The following NCOA2 variants were observed in gnomAD, a reference collection of about 807,000 sequenced individuals.
The protein encoded by NCOA2 is class E basic helix-loop-helix protein 75.
A neutral mutation model predicts 145.1 loss-of-function variants in NCOA2; 21 were observed. The ratio of observed to expected loss-of-function variants is 0.14; its 90% CI spans 0.10 to 0.21. The LOEUF is 0.21. Among genes scored for constraint, NCOA2 ranks in the 10% least tolerant of loss-of-function variants. NCOA2 has a pLI of 1.00. For synonymous variants in NCOA2, 619 were observed against 637.5 expected (o/e 0.97, Z 0.44); for missense variants, 1,472 against 1,837.6 (o/e 0.80, Z 3.64).
rs965423385 is a variant in NCOA2 at position 70,156,491 on chromosome 8, C to T, written c.1874G>A (p.Arg625Lys). The change falls in exon 11 of 23, where the codon AGA (arginine) becomes AAA (lysine). Residue 625 changes from arginine (R) to lysine (K), a missense_variant. By Grantham distance (26) the Arg-to-Lys change is conservative. Coordinates refer to ENST00000452400, the MANE Select transcript of NCOA2 (RefSeq NM_006540.4). ...PNLPPAVSSERADGQSRLHDS... is the reference protein window; with the variant it reads ...PNLPPAVSSEKADGQSRLHDS... Reference sequence around the variant, plus strand: ...ATGCAGTCTGCTCTGCCCGTCAGCTCTCTCACTGCTCACGGCCGGGGGCAG... The same window carrying T: ...ATGCAGTCTGCTCTGCCCGTCAGCTTTCTCACTGCTCACGGCCGGGGGCAG... 6.2e-7 allele frequency: 1 copy of T among 1,613,918 alleles called. No homozygotes were observed.
chr8:70,187,643 G>A (rs116093673), intron 4 of NCOA2, among the ~76,000 whole-genome samples: 133 of 152,224 alleles, frequency 8.7e-4, no homozygotes, highest in African/African-American at 3.1e-3. Flanking sequence ...ATAGGCCATA[G>A]AACATATCAC....
At chr8:70,309,949 T>C (rs1586448669) in intron 1 of NCOA2, among the ~76,000 whole-genome samples, 1 of 151,582 alleles carries the variant, frequency 6.6e-6, no homozygotes, top group Non-Finnish European at 1.5e-5. Flanking sequence ...CAAGACCCTG[T>C]CTCGAAAACA....
chr8:70,211,704 C>T (rs1395578479), intron 4 of NCOA2, among the ~76,000 whole-genome samples: 1 of 152,146 alleles, frequency 6.6e-6, no homozygotes, highest in Non-Finnish European at 1.5e-5. Context: ...CTGTCTGATT[C>T]AATTCTGCTC....
At chr8:70,254,430 C>T (rs1308567603) in intron 2 of NCOA2, among the ~76,000 whole-genome samples, 1 of 152,092 alleles carries the variant, frequency 6.6e-6, no homozygotes, top group Non-Finnish European at 1.5e-5. Flanking sequence ...TGTTCATAGC[C>T]GCATTATTCA....
chr8:70,165,812 G>T (rs1813550718), intron 7 of NCOA2, among the ~76,000 whole-genome samples: 1 of 152,102 alleles, frequency 6.6e-6, no homozygotes, highest in East Asian at 1.9e-4. Flanking sequence ...TGTTTTAACT[G>T]TGTGCATTTT....
chr8:70,183,810 C>A (rs1208858494), intron 4 of NCOA2, among the ~76,000 whole-genome samples: 1 of 152,186 alleles, frequency 6.6e-6, no homozygotes, highest in Non-Finnish European at 1.5e-5. Context: ...ATGTCTGTCC[C>A]TTTTCACTAC....
intron 20 of NCOA2, 116 bp from the exon 21 acceptor site, chr8:70,124,198 T>A: frequency 4.1e-6 from 4 of 976,506 alleles, no homozygotes; most frequent in Non-Finnish European, 6.0e-6. Flanking sequence ...CTGAACTGCA[T>A]GAACCCAGGC....
intron 2 of NCOA2, among the ~76,000 whole-genome samples, chr8:70,278,537 C>T (rs555315315): frequency 9.2e-5 from 14 of 152,166 alleles, no homozygotes; most frequent in East Asian, 5.8e-4. Flanking sequence ...TCCTAGAATC[C>T]GCTTATCTTC....
intron 14 of NCOA2, among the ~76,000 whole-genome samples, chr8:70,140,840 T>TC (rs1404896835): frequency 1.3e-5 from 2 of 151,922 alleles, no homozygotes; most frequent in Non-Finnish European, 2.9e-5. Flanking sequence ...CAAGTGATCC[T>TC]CCTGCCTCGG....
intron 2 of NCOA2, among the ~76,000 whole-genome samples, chr8:70,276,024 CTCTT>C (rs573605780): frequency 8.5e-5 from 13 of 152,088 alleles, no homozygotes; most frequent in Non-Finnish European, 1.8e-4. Context: ...AGAATTGTTC[CTCTT>C]TCTATGAATG....
Position 70,110,287 on chromosome 8 carries a change from T to C in NCOA2, c.*3345A>G. On this transcript the variant is annotated 3_prime_UTR_variant, in exon 23 of 23. Transcript: ENST00000452400. ...TTGTACACAATTCACTATACAAATA[T>C]AATACATCGGACAGCTATGTAGGAA... 5.1e-6 allele frequency: 1 copy of C among 197,702 alleles called. No homozygotes were observed. 12.2% of individuals were successfully genotyped at this position (197,702 alleles called of 1,614,324 possible).
chr8:70,189,492 C>A (rs550607132), intron 4 of NCOA2, among the ~76,000 whole-genome samples: 1 of 152,168 alleles, frequency 6.6e-6, no homozygotes, highest in Non-Finnish European at 1.5e-5. Flanking sequence ...CATGTAGACA[C>A]CATGTAGACC....
At chr8:70,369,687 T>C (rs552138260) in intron 1 of NCOA2, among the ~76,000 whole-genome samples, 88 of 152,154 alleles carry the variant, frequency 5.8e-4, no homozygotes, top group Non-Finnish European at 1.1e-3. Flanking sequence ...TGTATGTGTT[T>C]TGGGGGGCTG....
At chr8:70,414,231 T>C in the NCOA2 span, among the ~76,000 whole-genome samples, 1 of 152,304 alleles carries the variant, frequency 6.6e-6, no homozygotes, top group East Asian at 1.9e-4. Flanking sequence ...CTAACCACCG[T>C]CTAAGACTAA....
At chr8:70,256,413 A>G (rs942493186) in intron 2 of NCOA2, among the ~76,000 whole-genome samples, 6 of 152,224 alleles carry the variant, frequency 3.9e-5, no homozygotes, top group Non-Finnish European at 8.8e-5. Flanking sequence ...GCTGCATGGA[A>G]GATTTGGGAC....
intron 21 of NCOA2, among the ~76,000 whole-genome samples, chr8:70,123,495 T>G (rs1808055501): frequency 6.6e-6 from 1 of 152,128 alleles, no homozygotes; most frequent in Non-Finnish European, 1.5e-5. Context: ...CCAGCCTAGG[T>G]GACAGAGTGA....
At chr8:70,231,360 G>C (rs1192455716) in intron 2 of NCOA2, among the ~76,000 whole-genome samples, 1 of 152,230 alleles carries the variant, frequency 6.6e-6, no homozygotes, top group Non-Finnish European at 1.5e-5. Flanking sequence ...TGCCGAGTCA[G>C]GTATGCCATA....
At position 70,166,680 on chromosome 8, in the gene NCOA2, G is replaced by A. The variant is rs1447629643; in HGVS notation, c.616C>T (p.Pro206Ser). Residue 206 changes from proline (P) to serine (S), a missense_variant, in exon 7 of 23, where the codon CCT becomes TCT. By Grantham distance (74) the Pro-to-Ser change is moderately conservative (BLOSUM62 -1). Coordinates refer to ENST00000452400, the MANE Select transcript of NCOA2 (RefSeq NM_006540.4). ...CCCTCCTCTTCTGAATCAGGTAAAG[G>A]TTTTACCAGCATCCGACAATTGAAG... ...HTFNCRMLVK[P>S]LPDSEEEGHD... 2.5e-6 allele frequency: 4 copies of A among 1,613,962 alleles called. No homozygotes were observed. The East Asian group carries it at 6.7e-5, about 27-fold the overall frequency.
At chr8:70,288,936 G>A (rs1826457167) in intron 2 of NCOA2, among the ~76,000 whole-genome samples, 1 of 151,992 alleles carries the variant, frequency 6.6e-6, no homozygotes, top group African/African-American at 2.4e-5. Context: ...TGTTCCCAAA[G>A]CATCTAGTTA....
Sources: gnomAD v4.1 joint callset for allele counts (sites outside exome capture counted in the v4.1 genomes callset) on GRCh38, gnomAD v4.1.1 for gene constraint, MANE v1.5 for transcripts, NCBI Gene and HGNC (gene_info 2026-07-23, HGNC 2026-07-21) for gene names.